The following NR2C2 variants were observed in gnomAD, a reference collection of about 807,000 sequenced individuals.
NR2C2 encodes nuclear receptor subfamily 2 group C member 2.
NR2C2 carries 6 observed loss-of-function variants against 62.9 expected under a neutral mutation model. The ratio of observed to expected loss-of-function variants is 0.10; its 90% CI spans 0.05 to 0.19. NR2C2 has a LOEUF of 0.19. NR2C2 is among the 10% of genes least tolerant of loss of function. The pLI is 1.00. For synonymous variants in NR2C2, 272 were observed against 273.8 expected, an observed-to-expected ratio of 0.99 and a Z score of 0.07; for missense variants, 479 against 762.7, an observed-to-expected ratio of 0.63 and a Z score of 4.38.
At chr3:15,029,844 T>TAC (rs2041927897) in intron 8 of NR2C2, among the ~76,000 whole-genome samples, 3 of 113,198 alleles carry the variant, frequency 2.7e-5, no homozygotes, top group Non-Finnish European at 5.6e-5. Flanking sequence ...TAGATAGATA[T>TAC]AGATAGACCC....
At chr3:15,017,287 TC>T (rs1474989620) in intron 4 of NR2C2, among the ~76,000 whole-genome samples, 1 of 152,098 alleles carries the variant, frequency 6.6e-6, no homozygotes. Context: ...ACCCAACCCA[TC>T]CTATCCCTTC....
intron 3 of NR2C2, 77 bp from the exon 4 acceptor site, chr3:15,016,075 T>C: frequency 8.9e-7 from 1 of 1,121,716 alleles, no homozygotes; most frequent in East Asian, 2.4e-5. Flanking sequence ...GTGCTGGGAT[T>C]ATAGACGTGA....
At chr3:14,949,712 G>A (rs1012171232) in intron 1 of NR2C2, among the ~76,000 whole-genome samples, 1 of 151,980 alleles carries the variant, frequency 6.6e-6, no homozygotes, top group African/African-American at 2.4e-5. Context: ...TGCTAGGCTG[G>A]GAATACAAAA....
In NR2C2 at chr3:15,048,113, A is replaced by G. The variant is rs1472053672; in HGVS notation, c.*5105A>G. 1 of 152,666 alleles carries G rather than the reference A, an allele frequency of 6.6e-6. No homozygotes were observed. The highest frequency in any genetic ancestry group is 1.5e-5 in the Non-Finnish European group (1 of 68,042). 9.5% of individuals were successfully genotyped at this position (152,666 alleles called of 1,614,324 possible). ...ACAGTTTCCTCTTTTTCTTTTTAAA[A>G]TAAGTTATCAAAATGTTTTAAAAAC... is the stretch of plus-strand genomic sequence containing the variant. On this transcript the variant is annotated 3_prime_UTR_variant, in exon 14 of 14. Transcript: ENST00000425241.
chr3:14,995,088 C>G (rs2040792411), intron 1 of NR2C2, among the ~76,000 whole-genome samples: 1 of 149,224 alleles, frequency 6.7e-6, no homozygotes, highest in South Asian at 2.1e-4. Flanking sequence ...GAGTTGAACC[C>G]TCTGGGTTCA....
At chr3:15,011,339 CAAAAA>C (rs1357592563) in intron 2 of NR2C2, among the ~76,000 whole-genome samples, 1 of 151,040 alleles carries the variant, frequency 6.6e-6, no homozygotes, top group Non-Finnish European at 1.5e-5. Flanking sequence ...ACTCTTGTCT[CAAAAA>C]AAAGAAAAAG....
intron 1 of NR2C2, among the ~76,000 whole-genome samples, chr3:14,951,570 C>G (rs2039357766): frequency 6.6e-6 from 1 of 151,830 alleles, no homozygotes; most frequent in African/African-American, 2.4e-5. Flanking sequence ...CTCAGGGTAA[C>G]CAAAGAACTG....
At chr3:15,013,232 A>G (rs1187518522) in intron 2 of NR2C2, among the ~76,000 whole-genome samples, 2 of 152,232 alleles carry the variant, frequency 1.3e-5, no homozygotes, top group African/African-American at 2.4e-5. Flanking sequence ...GTGGATCAGT[A>G]GCATTTCAAA....
At chr3:15,033,419 G>GT (rs1243689280) in intron 10 of NR2C2, among the ~76,000 whole-genome samples, 1 of 152,232 alleles carries the variant, frequency 6.6e-6, no homozygotes, top group Non-Finnish European at 1.5e-5. Context: ...GCAGAAGGCA[G>GT]TGTGGTTCTG....
Position 15,023,226 on chromosome 3 carries a change from G to A in NR2C2, c.583G>A (p.Asp195Asn), listed in dbSNP as rs113551154. 14 of 1,614,206 alleles carry A rather than the reference G, an allele frequency of 8.7e-6. No individual in the cohort carries two copies. Among genetic ancestry groups the A allele is most frequent in the South Asian group, 7.7e-5 (7 of 91,088 alleles). Residue 195 changes from aspartate (D) to asparagine (N), a missense_variant, in exon 6 of 14, where the codon GAT (aspartate) becomes AAT (asparagine). Physicochemically the swap from Asp to Asn is conservative, Grantham distance 23 (BLOSUM62 1). This residue lies in a region of NR2C2 where 51 missense variants were observed against 137.5 expected (regional missense o/e 0.37). Coordinates refer to ENST00000425241, the MANE Select transcript of NR2C2 (RefSeq NM_001291694.2). Reference sequence around the variant, plus strand: ...TGTGCAGAGTGAACGGAAGCCCTTCGATGTGCAACGGGAGAAACCAAGCAA... The same window carrying A: ...TGTGCAGAGTGAACGGAAGCCCTTCAATGTGCAACGGGAGAAACCAAGCAA... ...ESVQSERKPF[D>N]VQREKPSNCA...
chr3:14,964,746 T>A (rs2039792322), intron 1 of NR2C2, among the ~76,000 whole-genome samples: 1 of 151,818 alleles, frequency 6.6e-6, no homozygotes, highest in Admixed American at 6.6e-5. Flanking sequence ...ATAGTCTTGA[T>A]CTCCTGACCT....
At chr3:15,004,643 C>CT (rs750333264) in intron 2 of NR2C2, 1 of 1,609,242 alleles carries the variant, frequency 6.2e-7, no homozygotes, top group South Asian at 1.1e-5. Flanking sequence ...AGGCAAAAAG[C>CT]TGGGAGGAAG....
chr3:14,962,046 C>G (rs926303288), intron 1 of NR2C2, among the ~76,000 whole-genome samples: 1 of 152,086 alleles, frequency 6.6e-6, no homozygotes, highest in Admixed American at 6.5e-5. Flanking sequence ...TCTCAGATAC[C>G]CACCTTCTTA....
At chr3:14,949,632 G>T (rs920782614) in intron 1 of NR2C2, among the ~76,000 whole-genome samples, 1 of 152,158 alleles carries the variant, frequency 6.6e-6, no homozygotes, top group African/African-American at 2.4e-5. Flanking sequence ...CAAATCCTTC[G>T]TCAGCCTCTT....
chr3:14,981,322 G>T (rs1417730671), intron 1 of NR2C2, among the ~76,000 whole-genome samples: 2 of 152,046 alleles, frequency 1.3e-5, no homozygotes, highest in Non-Finnish European at 2.9e-5. Context: ...TAAAAAGTTA[G>T]GCCGGGCGCG....
At chr3:14,964,556 C>T (rs914720351) in intron 1 of NR2C2, among the ~76,000 whole-genome samples, 7 of 151,758 alleles carry the variant, frequency 4.6e-5, no homozygotes, top group South Asian at 2.1e-4. Context: ...CGCTCTGTGC[C>T]GAGGCTATTG....
chr3:14,992,833 G>C (rs1371814056), intron 1 of NR2C2, among the ~76,000 whole-genome samples: 3 of 152,226 alleles, frequency 2.0e-5, no homozygotes, highest in Non-Finnish European at 2.9e-5. Context: ...TTCACACCCA[G>C]CTTGCCCATG....
At chr3:15,042,722 G>T (rs1286791941) in intron 13 of NR2C2, 112 bp from the exon 14 acceptor site, 1 of 862,192 alleles carries the variant, frequency 1.2e-6, no homozygotes, top group Non-Finnish European at 1.8e-6. Flanking sequence ...GTGGATGGTG[G>T]ATCCGTTTGG....
At chr3:14,975,340 G>A (rs764497782) in intron 1 of NR2C2, among the ~76,000 whole-genome samples, 2 of 152,188 alleles carry the variant, frequency 1.3e-5, no homozygotes, top group Non-Finnish European at 2.9e-5. Context: ...TTTCATTGAT[G>A]AAACAGGTGG....
Sources: gnomAD v4.1 joint callset for allele counts (sites outside exome capture counted in the v4.1 genomes callset) on GRCh38, gnomAD v4.1.1 for gene constraint, gnomAD v4.1.1 regional missense constraint, MANE v1.5 for transcripts, NCBI Gene and HGNC (gene_info 2026-07-23, HGNC 2026-07-21) for gene names.